The following ITGA1 variants were observed in gnomAD, a reference collection of about 807,000 sequenced individuals.
The protein encoded by ITGA1 is integrin subunit alpha 1, also known as integrin alpha-1.
A neutral mutation model predicts 145.9 loss-of-function variants in ITGA1; 85 were observed. The observed-to-expected ratio is 0.58, with a 90% CI of 0.49 to 0.70. The LOEUF (loss-of-function observed/expected upper bound fraction) is 0.70. Among genes scored for constraint, ITGA1 ranks in the 30% least tolerant of loss-of-function variants. The pLI is 0.00. For synonymous variants in ITGA1, 520 were observed against 495.3 expected (o/e 1.05, Z -0.66); for missense variants, 1,351 against 1,418.7 (o/e 0.95, Z 0.77).
At chr5:52,910,054 C>A in intron 13 of ITGA1, 108 bp from the exon 14 acceptor site, 1 of 1,070,646 alleles carries the variant, frequency 9.3e-7, no homozygotes, top group Non-Finnish European at 1.4e-6. Flanking sequence ...AACTTTACCA[C>A]TAATGTACAA....
At chr5:52,805,527 G>GAAA (rs371597134) in intron 1 of ITGA1, among the ~76,000 whole-genome samples, 6 of 152,072 alleles carry the variant, frequency 3.9e-5, no homozygotes, top group African/African-American at 1.4e-4. Context: ...TAGAGTTATG[G>GAAA]AAAAAAGTAG....
At chr5:52,846,508 A>G (rs534382933) in intron 1 of ITGA1, among the ~76,000 whole-genome samples, 3 of 152,370 alleles carry the variant, frequency 2.0e-5, no homozygotes, top group African/African-American at 7.2e-5. Flanking sequence ...ACCATTGTAT[A>G]TGCAGTTTGT....
chr5:52,878,673 G>A (rs760211113), intron 6 of ITGA1, among the ~76,000 whole-genome samples: 5 of 152,154 alleles, frequency 3.3e-5, no homozygotes, highest in African/African-American at 4.8e-5. Context: ...TGAGAACAAC[G>A]TGGACTCATT....
chr5:52,860,960 A>G (rs1326206157), intron 2 of ITGA1, among the ~76,000 whole-genome samples: 1 of 152,214 alleles, frequency 6.6e-6, no homozygotes, highest in East Asian at 1.9e-4. Context: ...CAATGTTTAT[A>G]TTTCCTGACT....
In ITGA1 at chr5:52,893,808, A is replaced by T; in HGVS notation, c.1058A>T (p.Lys353Ile). Residue 353 changes from lysine (K) to isoleucine (I), a missense_variant, in exon 9 of 29, where the codon AAA (lysine) becomes ATA (isoleucine). By Grantham distance (102) the Lys-to-Ile change is moderately radical. Transcript: ENST00000282588. ...GAATTGGCTCTAGTCACCATTGTTA[A>T]AACTCTGGGAGAAAGAATATTTGCC... ...SDELALVTIV[K>I]TLGERIFALE... 1 of 1,612,212 alleles carries T rather than the reference A, an allele frequency of 6.2e-7. No individual in the cohort carries two copies. Among genetic ancestry groups the T allele is most frequent in the South Asian group, 1.1e-5 (1 of 90,854 alleles).
At chr5:52,815,706 G>A (rs1748755902) in intron 1 of ITGA1, among the ~76,000 whole-genome samples, 1 of 152,150 alleles carries the variant, frequency 6.6e-6, no homozygotes, top group Non-Finnish European at 1.5e-5. Context: ...ATCAATGAAT[G>A]TCTACTTAGC....
intron 1 of ITGA1, among the ~76,000 whole-genome samples, chr5:52,820,522 T>TA (rs55942732): frequency 0.34 from 49,741 of 146,398 alleles, 8,805 homozygotes; most frequent in East Asian, 0.47. Context: ...TAAAGTATAA[T>TA]AAAAAAAAAA....
intron 1 of ITGA1, among the ~76,000 whole-genome samples, chr5:52,807,372 G>C (rs1341575545): frequency 6.6e-6 from 1 of 151,760 alleles, no homozygotes; most frequent in Non-Finnish European, 1.5e-5. Flanking sequence ...AGTCTTTCAA[G>C]AACCCAGTCA....
At chr5:52,947,229 A>G (rs3764924) in intron 27 of ITGA1, 116 bp from the exon 28 acceptor site, 467,746 of 640,190 alleles carry the variant, frequency 0.73, 171,463 homozygotes, top group Middle Eastern at 0.81. Flanking sequence ...ATGTTTTCTC[A>G]TTATATAGTA....
intron 1 of ITGA1, among the ~76,000 whole-genome samples, chr5:52,838,862 C>CTCG (rs2111734818): frequency 6.6e-6 from 1 of 152,174 alleles, no homozygotes; most frequent in African/African-American, 2.4e-5. Context: ...TTCAGGAGGC[C>CTCG]GAGGCAGGCG....
At chr5:52,793,207 G>A (rs1306194065) in intron 1 of ITGA1, among the ~76,000 whole-genome samples, 1 of 152,006 alleles carries the variant, frequency 6.6e-6, no homozygotes, top group African/African-American at 2.4e-5. Flanking sequence ...CCAGCTTGCT[G>A]TATGCTCTGT....
intron 18 of ITGA1, among the ~76,000 whole-genome samples, chr5:52,924,299 TGAG>T (rs1200189420): frequency 6.6e-6 from 1 of 152,156 alleles, no homozygotes; most frequent in East Asian, 1.9e-4. Context: ...CCACCTAGGC[TGAG>T]AAGTCAGGAC....
chr5:52,830,982 G>C (rs1041203884), intron 1 of ITGA1, among the ~76,000 whole-genome samples: 1 of 152,172 alleles, frequency 6.6e-6, no homozygotes, highest in African/African-American at 2.4e-5. Flanking sequence ...AGCCATGAAA[G>C]TCAGTGTGAG....
chr5:52,927,353 T>C lies in ITGA1; in HGVS notation c.2614-231T>C, dbSNP rs146480785. Among the ~76,000 whole-genome samples the C allele has an allele frequency of 1.9e-3, 283 of 152,270 alleles. 1 individual carries two copies. The highest frequency in any genetic ancestry group is 6.5e-3 in the African/African-American group (271 of 41,566). ...GTACTTCCATTTTACAACTGAAAAC[T>C]TAGGTAGGATTGTGAGATATGCTTT... On this transcript the variant is annotated intron_variant, in intron 19 of 28. Transcript: ENST00000282588.
At chr5:52,944,673 G>C (rs1751107910) in intron 26 of ITGA1, among the ~76,000 whole-genome samples, 1 of 152,010 alleles carries the variant, frequency 6.6e-6, no homozygotes, top group Non-Finnish European at 1.5e-5. Flanking sequence ...TTTGAGGTTT[G>C]TTTTTTCTAA....
At chr5:52,921,815 T>C (rs905629894) in intron 17 of ITGA1, among the ~76,000 whole-genome samples, 2 of 152,216 alleles carry the variant, frequency 1.3e-5, no homozygotes, top group African/African-American at 4.8e-5. Context: ...CAACGTCGTT[T>C]GGTCTCTTAG....
chr5:52,909,365 G>T (rs1750463151), intron 13 of ITGA1, among the ~76,000 whole-genome samples: 1 of 152,000 alleles, frequency 6.6e-6, no homozygotes. Flanking sequence ...CTCTGGCTTG[G>T]AGATAGATAA....
At chr5:52,799,951 CTG>C (rs1236920744) in intron 1 of ITGA1, 5 of 201,714 alleles carry the variant, frequency 2.5e-5, no homozygotes, top group Admixed American at 1.1e-4. Context: ...CGCCACCACT[CTG>C]TGCACCTTCT....
rs573377545 is a variant in ITGA1, at chr5:52,815,965, A to G, written c.61+27551A>G. Among the ~76,000 whole-genome samples the G allele has an allele frequency of 1.1e-4, 16 of 152,324 alleles. No homozygotes were observed. In the South Asian group the frequency reaches 1.7e-3, roughly 16 times the overall value. On this transcript the variant is annotated intron_variant, in intron 1 of 28. Coordinates refer to ENST00000282588, the MANE Select transcript of ITGA1 (RefSeq NM_181501.2). ...GTCACAAAAACTCCTTGATGACATG[A>G]ATAACATACAGCAGGGAGACAGTAG...
Sources: allele counts gnomAD v4.1 joint callset (sites outside exome capture counted in the v4.1 genomes callset), GRCh38; gene constraint gnomAD v4.1.1; transcripts MANE v1.5; gene names NCBI Gene and HGNC (gene_info 2026-07-23, HGNC 2026-07-21).